GHR: variants seen among roughly 807,000 people sequenced by gnomAD.
GHR encodes growth hormone receptor.
In GHR, 35 loss-of-function variants were observed where a neutral mutation model predicts 67.1. The observed-to-expected ratio is 0.52, with a 90% CI of 0.40 to 0.69. The LOEUF is 0.69. GHR is among the 30% of genes least tolerant of loss of function. GHR has a pLI of 0.00. For synonymous variants in GHR, 272 were observed against 269.1 expected (o/e 1.01, Z -0.10); for missense variants, 792 against 764.6 (o/e 1.04, Z -0.42).
chr5:42,429,384 G>A lies in GHR; in HGVS notation c.-12+5429G>A, dbSNP rs561519287. Reference sequence around the variant, plus strand: ...GGTAGCTACAATTCAAGATGAAATTGGGGTGGGGACACAGCAAAACCATAT... The same window carrying A: ...GGTAGCTACAATTCAAGATGAAATTAGGGTGGGGACACAGCAAAACCATAT... On this transcript the variant is annotated intron_variant, in intron 1 of 9. Transcript: ENST00000230882. Among the ~76,000 whole-genome samples the A allele has an allele frequency of 2.6e-5, 4 of 152,314 alleles. No individual in the cohort carries two copies. In the South Asian group the frequency reaches 8.3e-4, roughly 32 times the overall value.
chr5:42,496,542 C>T (rs1746327368), intron 1 of GHR, among the ~76,000 whole-genome samples: 2 of 152,054 alleles, frequency 1.3e-5, no homozygotes, highest in Non-Finnish European at 2.9e-5. Flanking sequence ...AGCCTGATTT[C>T]TGAAAGTTGG....
chr5:42,516,589 A>G (rs115708087), intron 1 of GHR, among the ~76,000 whole-genome samples: 322 of 152,358 alleles, frequency 2.1e-3, no homozygotes, highest in African/African-American at 7.5e-3. Flanking sequence ...AAAGTAGGGA[A>G]GAGACAATAG....
chr5:42,579,308 T>C (rs1751035173), intron 2 of GHR, among the ~76,000 whole-genome samples: 1 of 152,214 alleles, frequency 6.6e-6, no homozygotes, highest in East Asian at 1.9e-4. Flanking sequence ...TCCAGGGTAT[T>C]CTACATTAAA....
chr5:42,616,840 G>C (rs1180414926), intron 2 of GHR, among the ~76,000 whole-genome samples: 1 of 152,004 alleles, frequency 6.6e-6, no homozygotes, highest in Non-Finnish European at 1.5e-5. Flanking sequence ...GCTAAGCAAA[G>C]AGCATATTTT....
intron 2 of GHR, among the ~76,000 whole-genome samples, chr5:42,606,249 C>G (rs1265321369): frequency 6.6e-6 from 1 of 152,186 alleles, no homozygotes; most frequent in Non-Finnish European, 1.5e-5. Context: ...ACATACATAC[C>G]CTTTCAAGCT....
chr5:42,707,334 T>C (rs1234697478), intron 6 of GHR, among the ~76,000 whole-genome samples: 3 of 151,984 alleles, frequency 2.0e-5, no homozygotes, highest in Non-Finnish European at 2.9e-5. Flanking sequence ...CTTTTAACCT[T>C]CATTCTAAAA....
intron 2 of GHR, among the ~76,000 whole-genome samples, chr5:42,626,340 C>T (rs761885726): frequency 1.3e-5 from 2 of 152,208 alleles, no homozygotes; most frequent in Admixed American, 6.5e-5. Context: ...TTCCCACAAC[C>T]TCCCCCTCCG....
Position 42,482,424 on chromosome 5 carries a change from T to C in GHR, c.-12+58469T>C, listed in dbSNP as rs1745685528. Among the ~76,000 whole-genome samples, 3 of 152,198 alleles carry C rather than the reference T, an allele frequency of 2.0e-5. No individual in the cohort carries two copies. The South Asian group carries it at 6.2e-4, about 32-fold the overall frequency. On this transcript the variant is annotated intron_variant, in intron 1 of 9. Transcript: ENST00000230882. ...CTTCAAAGCTGTCAGACAGGTACAT[T>C]TAAGTCTGCAGAGGTTACTGCTGTC...
At chr5:42,511,642 G>C (rs60126365) in intron 1 of GHR, among the ~76,000 whole-genome samples, 25,512 of 151,974 alleles carry the variant, frequency 0.17, 2,363 homozygotes, top group Middle Eastern at 0.27. Flanking sequence ...TTTTTTATTA[G>C]ATAATAATTT....
At position 42,424,936 on chromosome 5, in the gene GHR, C is replaced by G; in HGVS notation, c.-12+981C>G. 1 of 908,352 alleles carries G rather than the reference C, an allele frequency of 1.1e-6. No homozygotes were observed. 56.3% of individuals were successfully genotyped at this position (908,352 alleles called of 1,614,324 possible). A position where few individuals can be genotyped will look rare whatever the true frequency, so the allele number is the denominator to read the frequency against. Reference sequence around the variant, plus strand: ...GCGCGCGAGTGTGCGCCTGGGGAGGCGTGTCGGCGCCTGAGCCAGTAGGGT... The same window carrying G: ...GCGCGCGAGTGTGCGCCTGGGGAGGGGTGTCGGCGCCTGAGCCAGTAGGGT... On this transcript the variant is annotated intron_variant, in intron 1 of 9. Coordinates refer to ENST00000230882, the MANE Select transcript of GHR (RefSeq NM_000163.5). The surrounding 1 kb of genome is among the most constrained non-coding windows in gnomAD (Gnocchi z 4.1).
chr5:42,579,081 AG>A (rs1750935864), intron 2 of GHR, among the ~76,000 whole-genome samples: 1 of 59,386 alleles, frequency 1.7e-5, no homozygotes, highest in Non-Finnish European at 3.7e-5. Flanking sequence ...CACTATAGAT[AG>A]ATAGATAGAT....
intron 1 of GHR, among the ~76,000 whole-genome samples, chr5:42,525,153 G>A (rs1328239066): frequency 6.6e-6 from 1 of 152,156 alleles, no homozygotes; most frequent in African/African-American, 2.4e-5. Flanking sequence ...CCAACAGCTT[G>A]CACTGTGCTG....
At chr5:42,685,735 A>G (rs1210089626) in intron 3 of GHR, among the ~76,000 whole-genome samples, 1 of 152,166 alleles carries the variant, frequency 6.6e-6, no homozygotes, top group African/African-American at 2.4e-5. Flanking sequence ...GGCTGCATAA[A>G]TGTCTTCTTT....
At chr5:42,519,194 T>C (rs949853472) in intron 1 of GHR, among the ~76,000 whole-genome samples, 1 of 152,220 alleles carries the variant, frequency 6.6e-6, no homozygotes, top group African/African-American at 2.4e-5. Flanking sequence ...TCTGGAAATA[T>C]CTCCTTTGGG....
rs1312482710 is a variant in GHR, at chr5:42,721,385, T to C, written c.*1961T>C. On this transcript the variant is annotated 3_prime_UTR_variant, in exon 10 of 10. Coordinates refer to ENST00000230882, the MANE Select transcript of GHR (RefSeq NM_000163.5). ...TTTCCCATTTATCGCAGACCTTTTT[T>C]AGGAAGCAAGCTTAATGGCTGATAA... The C allele has an allele frequency of 2.6e-5, 4 of 152,232 alleles. No homozygotes were observed. The highest frequency in any genetic ancestry group is 9.6e-5 in the African/African-American group (4 of 41,476). The allele number at this position is 152,232 out of a possible 1,614,324, so 9.4% of individuals were successfully genotyped here. A position where few individuals can be genotyped will look rare whatever the true frequency, so the allele number is the denominator to read the frequency against.
intron 1 of GHR, chr5:42,465,929 T>A (rs1167737327): frequency 4.3e-6 from 3 of 700,324 alleles, no homozygotes; most frequent in Non-Finnish European, 7.8e-6. Flanking sequence ...TGGTCTCCTT[T>A]CTGGTCTTCT....
intron 7 of GHR, among the ~76,000 whole-genome samples, chr5:42,712,692 G>A (rs186554551): frequency 1.4e-3 from 217 of 151,976 alleles, no homozygotes; most frequent in African/African-American, 4.8e-3. Context: ...AGAATACTGG[G>A]TACCAACTGC....
intron 3 of GHR, among the ~76,000 whole-genome samples, chr5:42,645,996 T>TA (rs1754710246): frequency 6.6e-6 from 1 of 152,172 alleles, no homozygotes; most frequent in Non-Finnish European, 1.5e-5. Flanking sequence ...AATGCACTCT[T>TA]AAAAATAATT....
chr5:42,674,878 C>T (rs1182299724), intron 3 of GHR, among the ~76,000 whole-genome samples: 1 of 152,094 alleles, frequency 6.6e-6, no homozygotes, highest in East Asian at 1.9e-4. Flanking sequence ...AGCAGAATTG[C>T]AGGGTCATAT....
Sources: allele counts gnomAD v4.1 joint callset (sites outside exome capture counted in the v4.1 genomes callset), GRCh38; gene constraint gnomAD v4.1.1; non-coding constraint Gnocchi (gnomAD v3.1); transcripts MANE v1.5; gene names NCBI Gene and HGNC (gene_info 2026-07-23, HGNC 2026-07-21).